Variants in BRD10 observed in about 807,000 individuals in gnomAD.
The protein encoded by BRD10 is bromodomain containing 10.
the BRD10 span, among the ~76,000 whole-genome samples, chr9:5,944,437 G>C: frequency 6.6e-6 from 1 of 152,002 alleles, no homozygotes; most frequent in African/African-American, 2.4e-5. Flanking sequence ...ATATTGTTAA[G>C]TATGTGTCAA....
the BRD10 span, among the ~76,000 whole-genome samples, chr9:6,004,647 G>A: frequency 3.3e-5 from 5 of 152,266 alleles, no homozygotes; most frequent in East Asian, 3.9e-4. Context: ...ATATCTAAGT[G>A]ATTCATTGGT....
the BRD10 span, among the ~76,000 whole-genome samples, chr9:5,903,461 T>C: frequency 6.6e-6 from 1 of 152,284 alleles, no homozygotes; most frequent in Non-Finnish European, 1.5e-5. Context: ...AGATAACGAA[T>C]TGTCATTTTC....
At chr9:5,987,458 A>T in the BRD10 span, among the ~76,000 whole-genome samples, 7 of 152,024 alleles carry the variant, frequency 4.6e-5, no homozygotes, top group African/African-American at 1.2e-4. Context: ...ACCCCTTTCC[A>T]TAAGCCCTCC....
At chr9:5,984,351 C>T in the BRD10 span, among the ~76,000 whole-genome samples, 1 of 152,110 alleles carries the variant, frequency 6.6e-6, no homozygotes. Context: ...TATACAGAGG[C>T]ATACTGTCAA....
At chr9:5,940,479 C>T in the BRD10 span, among the ~76,000 whole-genome samples, 1 of 152,198 alleles carries the variant, frequency 6.6e-6, no homozygotes, top group Non-Finnish European at 1.5e-5. Flanking sequence ...AGGCGTGAGC[C>T]ACCGCGCCTG....
At chr9:5,928,844 G>GT in the BRD10 span, among the ~76,000 whole-genome samples, 90,198 of 151,890 alleles carry the variant, frequency 0.59, 31,113 homozygotes, top group Non-Finnish European at 0.79. Flanking sequence ...CCATGAGAAT[G>GT]TAAGTCACAG....
chr9:5,927,139 C>T, the BRD10 span, among the ~76,000 whole-genome samples: 1 of 152,130 alleles, frequency 6.6e-6, no homozygotes, highest in Non-Finnish European at 1.5e-5. Context: ...TCCCTTCTCA[C>T]TCTCAGTAAC....
chr9:5,896,232 G>A, the BRD10 span, among the ~76,000 whole-genome samples: 2 of 152,238 alleles, frequency 1.3e-5, no homozygotes, highest in African/African-American at 2.4e-5. Flanking sequence ...TCCGAGGACT[G>A]TGGTTAGGAT....
the BRD10 span, chr9:5,919,755 G>C: frequency 6.2e-7 from 1 of 1,613,504 alleles, no homozygotes; most frequent in Non-Finnish European, 8.5e-7. Context: ...GCAGGACTTC[G>C]ACTGGCAGAT....
chr9:5,951,811 G>A, the BRD10 span, among the ~76,000 whole-genome samples: 1 of 152,052 alleles, frequency 6.6e-6, no homozygotes, highest in Non-Finnish European at 1.5e-5. Context: ...TGTATTTGAA[G>A]CAAATGATCT....
At chr9:5,952,568 A>T in the BRD10 span, among the ~76,000 whole-genome samples, 2 of 152,220 alleles carry the variant, frequency 1.3e-5, no homozygotes, top group African/African-American at 4.8e-5. Context: ...GCAATCTGCT[A>T]AAATGATTTC....
At chr9:5,905,767 T>A in the BRD10 span, among the ~76,000 whole-genome samples, 2 of 152,200 alleles carry the variant, frequency 1.3e-5, no homozygotes, top group African/African-American at 2.4e-5. Context: ...GATTTATGAT[T>A]TTTACCTACA....
the BRD10 span, among the ~76,000 whole-genome samples, chr9:5,911,580 G>A: frequency 6.7e-6 from 1 of 148,744 alleles, no homozygotes; most frequent in Admixed American, 6.8e-5. Flanking sequence ...CTGTTGCCCA[G>A]GCGGAGTGCA....
chr9:5,944,363 A>C, the BRD10 span, among the ~76,000 whole-genome samples: 1 of 151,998 alleles, frequency 6.6e-6, no homozygotes, highest in Non-Finnish European at 1.5e-5. Flanking sequence ...GATTAATTAT[A>C]ATTTAGACGA....
the BRD10 span, among the ~76,000 whole-genome samples, chr9:5,916,417 T>C: frequency 1.3e-5 from 2 of 151,992 alleles, no homozygotes; most frequent in Non-Finnish European, 2.9e-5. Flanking sequence ...AATTAATTAT[T>C]AAATACACCA....
At chr9:5,966,356 G>C in the BRD10 span, among the ~76,000 whole-genome samples, 1 of 151,250 alleles carries the variant, frequency 6.6e-6, no homozygotes, top group African/African-American at 2.4e-5. Context: ...ACAATAAAGG[G>C]TTCTGGGTTA....
At chr9:5,947,743 T>C in the BRD10 span, among the ~76,000 whole-genome samples, 1 of 152,238 alleles carries the variant, frequency 6.6e-6, no homozygotes, top group South Asian at 2.1e-4. Flanking sequence ...GCCTCCAAAA[T>C]AAGGCATATA....
At chr9:5,959,499 C>A in the BRD10 span, among the ~76,000 whole-genome samples, 223 of 152,178 alleles carry the variant, frequency 1.5e-3, no homozygotes, top group Non-Finnish European at 2.7e-3. Flanking sequence ...GCCTGGCATA[C>A]AATAAGCACT....
At chr9:5,899,599 C>T in the BRD10 span, among the ~76,000 whole-genome samples, 1 of 152,130 alleles carries the variant, frequency 6.6e-6, no homozygotes, top group Non-Finnish European at 1.5e-5. Context: ...GGATAGAATT[C>T]CTGCTCATAC....
Sources: gnomAD v4.1 joint callset for allele counts (sites outside exome capture counted in the v4.1 genomes callset) on GRCh38, gnomAD v4.1.1 for gene constraint, MANE v1.5 for transcripts, NCBI Gene and HGNC (gene_info 2026-07-23, HGNC 2026-07-21) for gene names.